SLC26A2: variants seen among roughly 807,000 people sequenced by gnomAD.
The protein encoded by SLC26A2 is solute carrier family 26 member 2, also known as sulfate transporter.
Under a neutral mutation model 41.1 loss-of-function variants are expected in SLC26A2, and 36 were observed. The observed-to-expected ratio is 0.88, with a 90% CI of 0.67 to 1.16. The LOEUF is 1.16. Ranked by LOEUF, SLC26A2 falls within the 50% of genes most tolerant of loss-of-function variation. The pLI is 0.00. For missense variants in SLC26A2, 796 were observed against 869.6 expected (o/e 0.92, Z 1.07); for synonymous variants, 291 against 311.6 (o/e 0.93, Z 0.70).
intron 1 of SLC26A2, among the ~76,000 whole-genome samples, chr5:149,971,283 T>G (rs1214084636): frequency 6.6e-6 from 1 of 152,238 alleles, no homozygotes; most frequent in Non-Finnish European, 1.5e-5. Context: ...CCCTGGGCCT[T>G]TATAGTGCTG....
Position 149,977,661 on chromosome 5 carries a change from A to T in SLC26A2, c.9A>T (p.Ser3=). The T allele has an allele frequency of 6.2e-7, 1 of 1,612,656 alleles. No homozygotes were observed. The highest frequency in any genetic ancestry group is 8.5e-7 in the Non-Finnish European group (1 of 1,178,674). MS[S]ESKEQHNVSP... ...ACCATCTATCTCCAGAAATGTCTTC[A>T]GAAAGTAAAGAGCAACATAACGTTT... Residue 3 remains serine, a synonymous_variant, in exon 2 of 3, where the codon TCA becomes TCT. Transcript: ENST00000286298.
intron 1 of SLC26A2, among the ~76,000 whole-genome samples, chr5:149,977,354 A>G (rs894827587): frequency 1.5e-4 from 23 of 152,156 alleles, no homozygotes; most frequent in African/African-American, 4.8e-4. Flanking sequence ...GGAGCCAGGC[A>G]TATATGGAGA....
At chr5:149,973,637 A>C (rs1293486119) in intron 1 of SLC26A2, among the ~76,000 whole-genome samples, 1 of 151,248 alleles carries the variant, frequency 6.6e-6, no homozygotes, top group African/African-American at 2.4e-5. Flanking sequence ...TTTCTTTTTC[A>C]TATTTTATTT....
chr5:149,971,818 T>C (rs1363967060), intron 1 of SLC26A2, among the ~76,000 whole-genome samples: 1 of 152,210 alleles, frequency 6.6e-6, no homozygotes, highest in Non-Finnish European at 1.5e-5. Context: ...CCAGAAGATA[T>C]ATGATTATTT....
In SLC26A2 at chr5:149,981,689, A is replaced by G; in HGVS notation, c.2096A>G (p.Tyr699Cys). 6.2e-7 allele frequency: 1 copy of G among 1,612,144 alleles called. No homozygotes were observed. The highest frequency in any genetic ancestry group is 8.5e-7 in the Non-Finnish European group (1 of 1,179,388). ...TVRDSLTNGE[Y>C]CKKEEENLLF... ...AGGGATTCCCTAACCAACGGAGAAT[A>G]TTGCAAAAAGGAAGAAGAAAACCTT... The change falls in exon 3 of 3, where the codon TAT becomes TGT. Residue 699 changes from tyrosine (Y) to cysteine (C), a missense_variant. Transcript: ENST00000286298.
rs564805790 is a variant in SLC26A2, at chr5:149,971,214, T to G, written c.-25-6414T>G. ...GGAAAGTAGCCTGTGCCATCCTGGTTGTAGGCATCAGTGAATGAAATGGAG... is the reference window on the plus strand; with the variant it reads ...GGAAAGTAGCCTGTGCCATCCTGGTGGTAGGCATCAGTGAATGAAATGGAG... On this transcript the variant is annotated intron_variant, in intron 1 of 2. Transcript: ENST00000286298. 6.6e-5 allele frequency among the ~76,000 whole-genome samples: 10 copies of G among 152,300 alleles called. No individual in the cohort carries two copies. In the South Asian group the frequency reaches 2.1e-3, roughly 32 times the overall value.
intron 1 of SLC26A2, among the ~76,000 whole-genome samples, chr5:149,968,345 C>T (rs550006752): frequency 1.3e-5 from 2 of 152,120 alleles, no homozygotes; most frequent in South Asian, 2.1e-4. Context: ...CTGTTTTTCA[C>T]AGTGTTGGCA....
chr5:149,973,238 C>T (rs1307153742), intron 1 of SLC26A2, among the ~76,000 whole-genome samples: 1 of 152,078 alleles, frequency 6.6e-6, no homozygotes, highest in Non-Finnish European at 1.5e-5. Context: ...TGGTTGTTGT[C>T]ACACATTTAT....
intron 1 of SLC26A2, among the ~76,000 whole-genome samples, chr5:149,974,860 G>GGAT (rs1754966695): frequency 1.3e-5 from 2 of 151,766 alleles, no homozygotes; most frequent in Admixed American, 6.6e-5. Flanking sequence ...CGAGTAGCTG[G>GGAT]GATTACAGGC....
intron 2 of SLC26A2, among the ~76,000 whole-genome samples, chr5:149,979,149 G>C (rs1282940697): frequency 6.6e-6 from 1 of 152,042 alleles, no homozygotes; most frequent in Non-Finnish European, 1.5e-5. Context: ...CATATTATCA[G>C]CCAGGAGAAA....
rs1755198985 is a variant in SLC26A2 at position 149,986,313 on chromosome 5, A to G, written c.*4500A>G. 1.3e-5 allele frequency: 2 copies of G among 152,162 alleles called. No homozygotes were observed. The highest frequency in any genetic ancestry group is 2.4e-5 in the African/African-American group (1 of 41,444). The allele number at this position is 152,162 out of a possible 1,614,324, so 9.4% of individuals were successfully genotyped here. On this transcript the variant is annotated 3_prime_UTR_variant, in exon 3 of 3. Transcript: ENST00000286298. The stretch of plus-strand genomic sequence containing the variant: ...AACAGTTTAGATAATCCTGAATGCA[A>G]TCATTAACTTGGTTGCTAATTACAA...
At chr5:149,966,007 T>C (rs1168839475) in intron 1 of SLC26A2, among the ~76,000 whole-genome samples, 2 of 152,200 alleles carry the variant, frequency 1.3e-5, no homozygotes, top group African/African-American at 4.8e-5. Context: ...TGGGTTCAAG[T>C]GATTCTTGTG....
chr5:149,962,056 G>A (rs1052278522), intron 1 of SLC26A2: 5 of 152,228 alleles, frequency 3.3e-5, no homozygotes, highest in Non-Finnish European at 7.3e-5. Flanking sequence ...CTGCTGAGCA[G>A]TATAGCTGGG....
At chr5:149,976,982 A>G (rs1332463102) in intron 1 of SLC26A2, among the ~76,000 whole-genome samples, 1 of 152,220 alleles carries the variant, frequency 6.6e-6, no homozygotes, top group Non-Finnish European at 1.5e-5. Flanking sequence ...CAGCACCCTC[A>G]TATTGACTTC....
intron 1 of SLC26A2, among the ~76,000 whole-genome samples, chr5:149,975,438 C>G (rs1028045191): frequency 6.6e-6 from 1 of 152,172 alleles, no homozygotes; most frequent in South Asian, 2.1e-4. Context: ...TCTTATGTCT[C>G]TTTTGCATAT....
intron 1 of SLC26A2, among the ~76,000 whole-genome samples, chr5:149,963,559 G>A (rs1581224748): frequency 6.6e-6 from 1 of 151,474 alleles, no homozygotes; most frequent in Non-Finnish European, 1.5e-5. Context: ...TTACAAGCGT[G>A]AGCCACCGCG....
rs377008976 is a variant in SLC26A2 at position 149,978,142 on chromosome 5, A to G, written c.490A>G (p.Ile164Val). The G allele has an allele frequency of 1.2e-6, 2 of 1,607,212 alleles. No homozygotes were observed. The highest frequency in any genetic ancestry group is 8.5e-7 in the Non-Finnish European group (1 of 1,175,714). ...TACCTCCCGTCACATCTCTGTGGGC[A>G]TTTTTGGAGTACTGTGCCTTATGAT... ...LGTSRHISVG[I>V]FGVLCLMIGE... Residue 164 changes from isoleucine to valine, a missense_variant, in exon 2 of 3, where the codon ATT becomes GTT. By Grantham distance (29) the Ile-to-Val change is conservative. Coordinates refer to ENST00000286298, the MANE Select transcript of SLC26A2 (RefSeq NM_000112.4).
chr5:149,978,513 T>C (rs943348350), intron 2 of SLC26A2, among the ~76,000 whole-genome samples, 162 bp downstream of exon 2: 1 of 152,142 alleles, frequency 6.6e-6, no homozygotes, highest in Non-Finnish European at 1.5e-5. Flanking sequence ...CTAACCTGAC[T>C]CCACAGGTAA....
chr5:149,980,874 CCCTT>C lies in SLC26A2; in HGVS notation c.1287_1290del (p.Phe430SerfsTer29), dbSNP rs756991292. On this transcript the variant is annotated frameshift_variant, in exon 3 of 3. Coordinates refer to ENST00000286298, the MANE Select transcript of SLC26A2 (RefSeq NM_000112.4). LOFTEE classifies it high-confidence loss of function. ...ATGCCATTGGCTTTTGTAATATCAT[CCCTT>C]CCTTCTTCCACTGTTTTACTACTAG... 1 of 1,613,898 alleles carries C rather than the reference CCCTT, an allele frequency of 6.2e-7. No homozygotes were observed.
Sources: allele counts gnomAD v4.1 joint callset (sites outside exome capture counted in the v4.1 genomes callset), GRCh38; gene constraint gnomAD v4.1.1; transcripts MANE v1.5; gene names NCBI Gene and HGNC (gene_info 2026-07-23, HGNC 2026-07-21).